SDCCAG8: variants seen among roughly 807,000 people sequenced by gnomAD.
The protein encoded by SDCCAG8 is SHH signaling and ciliogenesis regulator SDCCAG8.
In SDCCAG8, 74 loss-of-function variants were observed where a neutral mutation model predicts 101.8. That is an observed-to-expected ratio of 0.73 (90% CI 0.60 to 0.88). The LOEUF (loss-of-function observed/expected upper bound fraction) is 0.88, where lower values mean the gene tolerates loss of function less well. Ranked by LOEUF, SDCCAG8 falls within the 40% of genes least tolerant of loss-of-function variation. The pLI is 0.00. For synonymous variants in SDCCAG8, 281 were observed against 292.9 expected (o/e 0.96, Z 0.41); for missense variants, 787 against 822.6 (o/e 0.96, Z 0.53).
intron 16 of SDCCAG8, among the ~76,000 whole-genome samples, chr1:243,448,772 C>T (rs1053500680): frequency 2.6e-5 from 4 of 152,216 alleles, no homozygotes; most frequent in African/African-American, 7.2e-5. Flanking sequence ...AGAAACCATA[C>T]TCTGGTCATC....
At chr1:243,301,864 G>A (rs898933016) in intron 6 of SDCCAG8, among the ~76,000 whole-genome samples, 7 of 152,324 alleles carry the variant, frequency 4.6e-5, no homozygotes, top group Non-Finnish European at 8.8e-5. Context: ...TTTAGGAAGA[G>A]ATTTGGTCTT....
At chr1:243,297,318 T>C (rs1367019100) in intron 6 of SDCCAG8, among the ~76,000 whole-genome samples, 1 of 152,242 alleles carries the variant, frequency 6.6e-6, no homozygotes. Context: ...TATGACTTTA[T>C]CCATCTGCTG....
intron 16 of SDCCAG8, among the ~76,000 whole-genome samples, chr1:243,452,665 G>A (rs2083458066): frequency 6.6e-6 from 1 of 151,982 alleles, no homozygotes; most frequent in Admixed American, 6.6e-5. Flanking sequence ...AGACTCAAGT[G>A]ATCCTCCTGC....
intron 1 of SDCCAG8, among the ~76,000 whole-genome samples, chr1:243,268,438 T>C (rs2149260487): frequency 6.6e-6 from 1 of 152,322 alleles, no homozygotes; most frequent in South Asian, 2.1e-4. Context: ...CTTAAACTCA[T>C]GATGAGTCAG....
intron 12 of SDCCAG8, among the ~76,000 whole-genome samples, chr1:243,360,684 C>T (rs1019877872): frequency 1.2e-4 from 18 of 151,888 alleles, no homozygotes; most frequent in African/African-American, 3.6e-4. Context: ...TAGCCAGGCA[C>T]GGTGGCAGGT....
chr1:243,262,132 G>A (rs1427810259), intron 1 of SDCCAG8, among the ~76,000 whole-genome samples: 1 of 116,032 alleles, frequency 8.6e-6, no homozygotes, highest in Admixed American at 9.3e-5. Flanking sequence ...TTTGAGACAG[G>A]GTCTTATTCT....
intron 17 of SDCCAG8, among the ~76,000 whole-genome samples, chr1:243,496,393 A>G (rs3006932): frequency 0.064 from 9,743 of 152,260 alleles, 1,033 homozygotes; most frequent in African/African-American, 0.22. Flanking sequence ...CTGTCAACTC[A>G]GGGCCAGCTT....
chr1:243,407,455 T>G (rs934284348), intron 13 of SDCCAG8, among the ~76,000 whole-genome samples: 15 of 152,322 alleles, frequency 9.8e-5, no homozygotes, highest in Admixed American at 2.0e-4. Flanking sequence ...AGTACAGACA[T>G]GCAAAGGGTG....
At chr1:243,480,509 AGGTGGGATG>A (rs1663344829) in intron 16 of SDCCAG8, among the ~76,000 whole-genome samples, 1 of 6,894 alleles carries the variant, frequency 1.5e-4, no homozygotes, top group African/African-American at 5.0e-4. Flanking sequence ...ATGGATGGAT[AGGTGGGATG>A]GGTGGGATGG....
chr1:243,376,063 A>G lies in SDCCAG8; in HGVS notation c.1474-2658A>G, dbSNP rs79954376. 2.6e-5 allele frequency among the ~76,000 whole-genome samples: 4 copies of G among 152,298 alleles called. No homozygotes were observed. In the East Asian group the frequency reaches 5.8e-4, roughly 22 times the overall value. On this transcript the variant is annotated intron_variant, in intron 12 of 17. Transcript: ENST00000366541. ...ATAGATGAAGTTTTATTCAGTTTTC[A>G]CCAAAATACTGCTTCATTGAGAAGG...
chr1:243,464,768 A>C (rs948316610), intron 16 of SDCCAG8, among the ~76,000 whole-genome samples: 3 of 152,258 alleles, frequency 2.0e-5, no homozygotes, highest in African/African-American at 7.2e-5. Context: ...GCAGGCAAGC[A>C]TGCTTGCATA....
intron 16 of SDCCAG8, among the ~76,000 whole-genome samples, chr1:243,465,661 A>G (rs1467367746): frequency 2.0e-5 from 3 of 152,180 alleles, no homozygotes; most frequent in African/African-American, 7.2e-5. Flanking sequence ...GATACCCATG[A>G]TAGGATCGTT....
chr1:243,348,642 G>A (rs567525926), intron 12 of SDCCAG8, among the ~76,000 whole-genome samples: 1 of 152,078 alleles, frequency 6.6e-6, no homozygotes, highest in South Asian at 2.1e-4. Flanking sequence ...CCACATACAG[G>A]AGTTCAGTCT....
In SDCCAG8 at chr1:243,341,036, C is replaced by G; in HGVS notation, c.1222-3C>G. On this transcript the variant is annotated splice_polypyrimidine_tract_variant and splice_region_variant and intron_variant, in intron 10 of 17. Transcript: ENST00000366541. Reference sequence around the variant, plus strand: ...TGTTTAGGACTTTTATTTTCCCTTACAGATGTTGATCTTGTCTCAGAATAT... The same window carrying G: ...TGTTTAGGACTTTTATTTTCCCTTAGAGATGTTGATCTTGTCTCAGAATAT... The G allele has an allele frequency of 6.2e-7, 1 of 1,613,128 alleles. No individual in the cohort carries two copies. The highest frequency in any genetic ancestry group is 1.1e-5 in the South Asian group (1 of 91,068).
At chr1:243,266,992 C>A (rs960595350) in intron 1 of SDCCAG8, among the ~76,000 whole-genome samples, 1 of 150,674 alleles carries the variant, frequency 6.6e-6, no homozygotes, top group African/African-American at 2.4e-5. Flanking sequence ...CGCTTGTAAC[C>A]CCAGCACTTT....
chr1:243,436,282 G>A (rs973729922), intron 16 of SDCCAG8, among the ~76,000 whole-genome samples: 3 of 151,204 alleles, frequency 2.0e-5, no homozygotes, highest in African/African-American at 4.9e-5. Context: ...TTCATGGGTC[G>A]TACCTTTGGT....
chr1:243,473,652 G>T (rs1661684117), intron 16 of SDCCAG8, among the ~76,000 whole-genome samples: 1 of 152,154 alleles, frequency 6.6e-6, no homozygotes, highest in East Asian at 1.9e-4. Flanking sequence ...GCTCAAACTG[G>T]CAGCGTGTGC....
chr1:243,341,230 T>C (rs2075365142), intron 11 of SDCCAG8, 57 bp downstream of exon 11: 2 of 1,592,756 alleles, frequency 1.3e-6, no homozygotes, highest in Non-Finnish European at 1.7e-6. Context: ...CTTTGAAAAA[T>C]GTTTTCCTAA....
chr1:243,471,419 T>A (rs1156457750), intron 16 of SDCCAG8, among the ~76,000 whole-genome samples: 1 of 152,212 alleles, frequency 6.6e-6, no homozygotes, highest in African/African-American at 2.4e-5. Flanking sequence ...TTCAACTTAT[T>A]ACGCTCGTGG....
Sources: gnomAD v4.1 joint callset for allele counts (sites outside exome capture counted in the v4.1 genomes callset) on GRCh38, gnomAD v4.1.1 for gene constraint, MANE v1.5 for transcripts, NCBI Gene and HGNC (gene_info 2026-07-23, HGNC 2026-07-21) for gene names.